Variants in LCP1 observed in about 807,000 individuals in gnomAD.
The protein encoded by LCP1 is lymphocyte cytosolic protein 1, also known as plastin-2.
In LCP1, 23 loss-of-function variants were observed where a neutral mutation model predicts 72.0. That is an observed-to-expected ratio of 0.32 (90% CI 0.23 to 0.45). LCP1 has a LOEUF of 0.45. Among genes scored for constraint, LCP1 ranks in the 20% least tolerant of loss-of-function variants. The pLI, the probability that LCP1 is intolerant of heterozygous loss-of-function variation, is 1.00. For missense variants in LCP1, 571 were observed against 748.3 expected, an observed-to-expected ratio of 0.76 and a Z score of 2.76; for synonymous variants, 245 against 275.4, an observed-to-expected ratio of 0.89 and a Z score of 1.09.
intron 4 of LCP1, 149 bp from the exon 5 acceptor site, chr13:46,156,719 T>A: frequency 1.1e-6 from 1 of 891,798 alleles, no homozygotes; most frequent in Non-Finnish European, 1.7e-6. Flanking sequence ...TATTAAGATT[T>A]AAAAATCTCA....
In LCP1 at chr13:46,152,769, C is replaced by T; in HGVS notation, c.739+11G>A. The T allele has an allele frequency of 6.2e-7, 1 of 1,611,552 alleles. No individual in the cohort carries two copies. Among genetic ancestry groups the T allele is most frequent in the East Asian group, 2.2e-5 (1 of 44,854 alleles). ...GCTGTGTCATAAATGACCTTTGGGA[C>T]TTGCTCTTACCTTCATTTCTGCTGA... On this transcript the variant is annotated intron_variant, in intron 7 of 15. Transcript: ENST00000323076.
rs548337416 is a variant in LCP1, at chr13:46,152,246, G to A, written c.739+534C>T. Among the ~76,000 whole-genome samples the A allele has an allele frequency of 1.7e-3, 263 of 150,950 alleles. 1 individual carries two copies. The highest frequency in any genetic ancestry group is 0.016 in the South Asian group (74 of 4,736). ...AAGAGTGCCTGAAATCTACTTTCTT[G>A]GCAAATTACCAGTATACAGCACAAT... On this transcript the variant is annotated intron_variant, in intron 7 of 15. Transcript: ENST00000323076.
chr13:46,150,139 T>C (rs2045755110), intron 8 of LCP1, among the ~76,000 whole-genome samples: 1 of 152,236 alleles, frequency 6.6e-6, no homozygotes, highest in Admixed American at 6.5e-5. Flanking sequence ...AACTTTCCTC[T>C]GACTCTTTCT....
intron 5 of LCP1, among the ~76,000 whole-genome samples, chr13:46,155,818 A>C (rs1002573987): frequency 2.0e-5 from 3 of 152,212 alleles, no homozygotes; most frequent in Non-Finnish European, 4.4e-5. Flanking sequence ...ATTTCTGTGC[A>C]TCACTCAAAG....
intron 1 of LCP1, among the ~76,000 whole-genome samples, chr13:46,162,262 CCTCCCTCCCCCTCCCCCTCCCT>C (rs2045843619): frequency 8.6e-6 from 1 of 116,112 alleles, no homozygotes; most frequent in Admixed American, 8.4e-5. Flanking sequence ...TCCCCCTCCC[CCTCCCTCCCCCTCCCCCTCCCT>C]CTCCCGTCTC....
chr13:46,143,248 A>C, intron 12 of LCP1, 42 bp downstream of exon 12: 1 of 1,347,486 alleles, frequency 7.4e-7, no homozygotes, highest in Non-Finnish European at 1.1e-6. Flanking sequence ...GCAGGCTATG[A>C]CTTTGCCTGT....
intron 13 of LCP1, among the ~76,000 whole-genome samples, chr13:46,138,269 C>A (rs1771154934): frequency 6.6e-6 from 1 of 152,130 alleles, no homozygotes; most frequent in South Asian, 2.1e-4. Flanking sequence ...ACCAAATTAG[C>A]ACATCAGCAC....
chr13:46,143,226 T>A, intron 12 of LCP1, 64 bp downstream of exon 12: 1 of 1,086,994 alleles, frequency 9.2e-7, no homozygotes, highest in Non-Finnish European at 1.4e-6. Context: ...ATAAAGTATT[T>A]AGAGTGCTCT....
rs940633035 is a variant in LCP1, at chr13:46,130,915, C to T, written c.1650G>A (p.Leu550=). Residue 550 remains leucine, a synonymous_variant, in exon 15 of 16, where the codon CTG becomes CTA. Coordinates refer to ENST00000323076, the MANE Select transcript of LCP1 (RefSeq NM_002298.5). ...TGGCATCGATGAGGTCCAGAACAGG[C>T]AGACTTGTACTAATCTTCGGGTCCT... is the stretch of plus-strand genomic sequence containing the variant. ...SFKDPKISTS[L]PVLDLIDAIQ... 4 of 1,608,072 alleles carry T rather than the reference C, an allele frequency of 2.5e-6. No homozygotes were observed. Among genetic ancestry groups the T allele is most frequent in the Non-Finnish European group, 3.4e-6 (4 of 1,177,988 alleles).
intron 1 of LCP1, among the ~76,000 whole-genome samples, chr13:46,165,224 A>G (rs1440086647): frequency 1.3e-5 from 2 of 151,870 alleles, no homozygotes; most frequent in African/African-American, 4.8e-5. Flanking sequence ...AAATACAAAA[A>G]TTATCTAGGT....
chr13:46,130,794 G>A lies in LCP1; in HGVS notation c.1751+20C>T. On this transcript the variant is annotated intron_variant, in intron 15 of 15. Coordinates refer to ENST00000323076, the MANE Select transcript of LCP1 (RefSeq NM_002298.5). The stretch of plus-strand genomic sequence containing the variant: ...TTGGGTCCTTCCCTCCCAATCTGAG[G>A]TTTATTTTTATTTACGTACTTTGCA... 6.2e-7 allele frequency: 1 copy of A among 1,612,328 alleles called. No individual in the cohort carries two copies. Among genetic ancestry groups the A allele is most frequent in the Non-Finnish European group, 8.5e-7 (1 of 1,179,220 alleles).
chr13:46,144,309 C>T (rs1283096943), intron 11 of LCP1, 133 bp downstream of exon 11: 10 of 670,832 alleles, frequency 1.5e-5, no homozygotes, highest in Middle Eastern at 3.0e-4. Context: ...TGAAGCTCAA[C>T]TTGGCACTTT....
chr13:46,177,963 AGTATTAT>A (rs1411428501), intron 1 of LCP1, among the ~76,000 whole-genome samples: 1 of 152,188 alleles, frequency 6.6e-6, no homozygotes, highest in East Asian at 1.9e-4. Flanking sequence ...TATTTGGGGA[AGTATTAT>A]GATTATTTGA....
chr13:46,162,525 C>G (rs1389594803), intron 1 of LCP1, among the ~76,000 whole-genome samples: 2 of 152,078 alleles, frequency 1.3e-5, no homozygotes, highest in African/African-American at 4.8e-5. Context: ...TGGTCTCCAG[C>G]TCCTAACCGT....
At chr13:46,158,731 C>A in intron 3 of LCP1, 80 bp from the exon 4 acceptor site, 1 of 1,603,442 alleles carries the variant, frequency 6.2e-7, no homozygotes. Context: ...AATGTCGAAG[C>A]AAGGAGGTAA....
intron 1 of LCP1, among the ~76,000 whole-genome samples, chr13:46,180,526 G>A (rs933696054): frequency 6.6e-6 from 1 of 152,162 alleles, no homozygotes; most frequent in Non-Finnish European, 1.5e-5. Flanking sequence ...AGGGTCTCTG[G>A]GATTGCTAAG....
intron 13 of LCP1, 38 bp from the exon 14 acceptor site, chr13:46,134,288 C>T (rs1224209377): frequency 1.3e-6 from 2 of 1,587,074 alleles, no homozygotes; most frequent in Admixed American, 1.7e-5. Flanking sequence ...AGAACAGTTG[C>T]TAAAGAATTT....
At chr13:46,153,142 T>A (rs954178195) in intron 6 of LCP1, 197 bp from the exon 7 acceptor site, 29 of 503,550 alleles carry the variant, frequency 5.8e-5, no homozygotes, top group East Asian at 1.5e-4. Flanking sequence ...CACCGACCAC[T>A]CATGCAGTGG....
rs759458759 is a variant in LCP1 at position 46,158,584 on chromosome 13, C to T, written c.296G>A (p.Gly99Glu). ...TGAAGTACCACCGATTGCACAAATC[C>T]CTTCCTTCTTATTGATTGCTTTTCT... The part of the protein sequence containing the change: ...TFRKAINKKE[G>E]ICAIGGTSEQ... Residue 99 changes from glycine (G) to glutamate (E), a missense_variant, in exon 4 of 16, where the codon GGG (glycine) becomes GAG (glutamate). Gly to Glu is a moderately conservative substitution (Grantham distance 98). Coordinates refer to ENST00000323076, the MANE Select transcript of LCP1 (RefSeq NM_002298.5). 1 of 1,614,128 alleles carries T rather than the reference C, an allele frequency of 6.2e-7. No homozygotes were observed. Among genetic ancestry groups the T allele is most frequent in the Non-Finnish European group, 8.5e-7 (1 of 1,180,032 alleles).
Sources: allele counts gnomAD v4.1 joint callset (sites outside exome capture counted in the v4.1 genomes callset), GRCh38; gene constraint gnomAD v4.1.1; transcripts MANE v1.5; gene names NCBI Gene and HGNC (gene_info 2026-07-23, HGNC 2026-07-21).